The following CCDC91 variants were observed in gnomAD, a reference collection of about 807,000 sequenced individuals.
CCDC91 encodes the protein coiled-coil domain containing 91.
In CCDC91, 48 loss-of-function variants were observed where a neutral mutation model predicts 63.2. The ratio of observed to expected loss-of-function variants is 0.76; its 90% CI spans 0.60 to 0.97. The LOEUF is 0.97. CCDC91 is among the 50% of genes least tolerant of loss of function. CCDC91 has a pLI of 0.00. For synonymous variants in CCDC91, 167 were observed against 165.8 expected, an observed-to-expected ratio of 1.01 and a Z score of -0.06; for missense variants, 500 against 494.6, an observed-to-expected ratio of 1.01 and a Z score of -0.10.
chr12:28,309,001 T>C (rs1939035811), intron 6 of CCDC91, among the ~76,000 whole-genome samples: 1 of 151,954 alleles, frequency 6.6e-6, no homozygotes, highest in Admixed American at 6.6e-5. Context: ...TACCCTCAGG[T>C]ATTTATTTAC....
chr12:28,362,117 C>T (rs1374964331), intron 6 of CCDC91, among the ~76,000 whole-genome samples: 1 of 151,968 alleles, frequency 6.6e-6, no homozygotes, highest in Non-Finnish European at 1.5e-5. Flanking sequence ...TGCAGTGACG[C>T]AGGGTTTCCC....
intron 6 of CCDC91, among the ~76,000 whole-genome samples, chr12:28,355,936 A>T (rs1943494840): frequency 6.6e-6 from 1 of 152,148 alleles, no homozygotes; most frequent in African/African-American, 2.4e-5. Context: ...AAGGGCATCC[A>T]TTTTAGTATT....
rs182992456 is a variant in CCDC91, at chr12:28,342,872, T to C, written c.577-19566T>C. ...TGGAGTAAAGAGAGTTGAGGAGATATTGGAGGTTTGAGTGTGAAGAAAATG... is the reference window on the plus strand; with the variant it reads ...TGGAGTAAAGAGAGTTGAGGAGATACTGGAGGTTTGAGTGTGAAGAAAATG... On this transcript the variant is annotated intron_variant, in intron 6 of 12. Coordinates refer to ENST00000536442, the MANE Select transcript of CCDC91 (RefSeq NM_018318.5). Among the ~76,000 whole-genome samples, 78 of 152,188 alleles carry C rather than the reference T, an allele frequency of 5.1e-4. 1 individual carries two copies. In the East Asian group the frequency reaches 0.014, roughly 28 times the overall value.
At chr12:28,246,129 G>C (rs1244608495) in intron 1 of CCDC91, among the ~76,000 whole-genome samples, 1 of 152,014 alleles carries the variant, frequency 6.6e-6, no homozygotes, top group Non-Finnish European at 1.5e-5. Flanking sequence ...AAAAAGTTAG[G>C]TCCCCCAAAT....
At chr12:28,521,297 A>T (rs1940629959) in intron 12 of CCDC91, among the ~76,000 whole-genome samples, 1 of 152,032 alleles carries the variant, frequency 6.6e-6, no homozygotes, top group Non-Finnish European at 1.5e-5. Context: ...CATCCCTTGT[A>T]AGTTGGATTC....
At chr12:28,513,175 G>A (rs1383164639) in intron 12 of CCDC91, among the ~76,000 whole-genome samples, 1 of 151,794 alleles carries the variant, frequency 6.6e-6, no homozygotes, top group East Asian at 1.9e-4. Context: ...AGGGAAATCC[G>A]ATGCAGCTAC....
chr12:28,191,373 TTGA>T (rs1941228948), intron 1 of CCDC91: 1 of 152,314 alleles, frequency 6.6e-6, no homozygotes, highest in Admixed American at 6.5e-5. Flanking sequence ...ACTTGCTTCC[TTGA>T]TGAGAGTTGG....
chr12:28,518,162 G>A (rs892836464), intron 12 of CCDC91, among the ~76,000 whole-genome samples: 2 of 151,978 alleles, frequency 1.3e-5, no homozygotes, highest in African/African-American at 4.8e-5. Flanking sequence ...TAGTGGGATT[G>A]CTGGATCAAA....
chr12:28,397,101 G>T (rs1315178934), intron 8 of CCDC91, among the ~76,000 whole-genome samples: 1 of 152,096 alleles, frequency 6.6e-6, no homozygotes, highest in Non-Finnish European at 1.5e-5. Context: ...AGCTCATGAA[G>T]GAAACTCTCT....
chr12:28,200,747 A>G (rs1942172603), intron 1 of CCDC91, among the ~76,000 whole-genome samples: 1 of 151,478 alleles, frequency 6.6e-6, no homozygotes, highest in Non-Finnish European at 1.5e-5. Context: ...TATTCCACAA[A>G]ACCGCCATTG....
intron 12 of CCDC91, among the ~76,000 whole-genome samples, chr12:28,525,310 A>G (rs561690278): frequency 3.4e-4 from 51 of 152,166 alleles, no homozygotes; most frequent in African/African-American, 1.2e-3. Flanking sequence ...CACTATTGTC[A>G]TTCAGTTCGA....
intron 5 of CCDC91, 109 bp from the exon 6 acceptor site, chr12:28,307,536 C>A (rs1938871614): frequency 1.7e-6 from 1 of 589,916 alleles, no homozygotes; most frequent in African/African-American, 2.0e-5. Context: ...AGCCGTACTT[C>A]CCATGGATTC....
intron 3 of CCDC91, among the ~76,000 whole-genome samples, chr12:28,267,635 C>T (rs1274178357): frequency 6.3e-5 from 8 of 127,124 alleles, no homozygotes; most frequent in African/African-American, 2.4e-4. Context: ...GTCATATATA[C>T]CTAATTAATA....
intron 6 of CCDC91, among the ~76,000 whole-genome samples, chr12:28,340,091 T>G (rs895956335): frequency 6.6e-6 from 1 of 152,214 alleles, no homozygotes; most frequent in Non-Finnish European, 1.5e-5. Context: ...AAAGAGCTTA[T>G]GTTTATTGAT....
At chr12:28,402,607 T>TAGA in intron 8 of CCDC91, among the ~76,000 whole-genome samples, 1 of 151,294 alleles carries the variant, frequency 6.6e-6, no homozygotes, top group African/African-American at 2.4e-5. Context: ...AAAAAATTAT[T>TAGA]TCTTTCTTCT....
intron 7 of CCDC91, among the ~76,000 whole-genome samples, chr12:28,366,150 A>G (rs1425997159): frequency 6.6e-6 from 1 of 151,506 alleles, no homozygotes; most frequent in Non-Finnish European, 1.5e-5. Flanking sequence ...CTTAGTACAG[A>G]TTAAAAAAAA....
intron 8 of CCDC91, chr12:28,412,748 T>A (rs1947395488): frequency 2.2e-6 from 1 of 453,690 alleles, no homozygotes; most frequent in Non-Finnish European, 4.4e-6. Flanking sequence ...ATTTCTGTCC[T>A]TTCAGAGTGC....
At position 28,450,554 on chromosome 12, in the gene CCDC91, A is replaced by G. The variant is rs1949753442; in HGVS notation, c.924+136A>G. The stretch of plus-strand genomic sequence containing the variant: ...TTTTATTTCTTTTATTTACTTTTAA[A>G]CTTAAGATATGACTACTTATATTCT... On this transcript the variant is annotated intron_variant, in intron 10 of 12. Transcript: ENST00000536442. 8.0e-6 allele frequency: 5 copies of G among 628,652 alleles called. No individual in the cohort carries two copies. The South Asian group carries it at 8.2e-5, about 10-fold the overall frequency. 38.9% of individuals were successfully genotyped at this position (628,652 alleles called of 1,614,324 possible).
At chr12:28,375,375 C>T (rs12371059) in intron 7 of CCDC91, among the ~76,000 whole-genome samples, 28,158 of 151,694 alleles carry the variant, frequency 0.19, 3,435 homozygotes, top group Non-Finnish European at 0.28. Context: ...TGGTTGTCTT[C>T]GTATAGATTC....
Sources: allele counts gnomAD v4.1 joint callset (sites outside exome capture counted in the v4.1 genomes callset), GRCh38; gene constraint gnomAD v4.1.1; transcripts MANE v1.5; gene names NCBI Gene and HGNC (gene_info 2026-07-23, HGNC 2026-07-21).